Variants in CBFB observed in about 807,000 individuals in gnomAD.
CBFB encodes CBF-beta.
A neutral mutation model predicts 30.4 loss-of-function variants in CBFB; 9 were observed. The observed-to-expected ratio is 0.30, with a 90% CI of 0.18 to 0.52. The LOEUF (loss-of-function observed/expected upper bound fraction) is 0.52. Ranked by LOEUF, CBFB falls within the 20% of genes least tolerant of loss-of-function variation. The pLI, the probability that CBFB is intolerant of heterozygous loss-of-function variation, is 0.97. For missense variants in CBFB, 170 were observed against 244.0 expected (o/e 0.70, Z 2.02); for synonymous variants, 94 against 84.0 (o/e 1.12, Z -0.65).
intron 5 of CBFB, among the ~76,000 whole-genome samples, chr16:67,083,571 T>G (rs865986289): frequency 6.6e-6 from 1 of 152,174 alleles, no homozygotes; most frequent in Non-Finnish European, 1.5e-5. Flanking sequence ...TTGGATTGAT[T>G]ACAGGCGTGA....
chr16:67,055,488 A>C (rs907187492), intron 3 of CBFB, among the ~76,000 whole-genome samples: 43 of 146,956 alleles, frequency 2.9e-4, no homozygotes, highest in Admixed American at 2.9e-3. Flanking sequence ...GCCTCAGCCT[A>C]CTGAGTAGGT....
chr16:67,032,393 TAAAGA>T (rs752670801), intron 2 of CBFB, among the ~76,000 whole-genome samples: 54 of 152,316 alleles, frequency 3.5e-4, no homozygotes, highest in Non-Finnish European at 6.3e-4. Flanking sequence ...TATTAAAGGT[TAAAGA>T]AGGTAGATTG....
intron 1 of CBFB, 88 bp downstream of exon 1, chr16:67,029,573 G>C (rs1418610385): frequency 5.0e-6 from 7 of 1,408,882 alleles, no homozygotes; most frequent in Non-Finnish European, 6.7e-6. Context: ...CGGTCCCCGG[G>C]AGTCCCGGTC....
chr16:67,079,538 T>TTG (rs1961498278), intron 4 of CBFB, among the ~76,000 whole-genome samples: 1 of 138,412 alleles, frequency 7.2e-6, no homozygotes, highest in Non-Finnish European at 1.5e-5. Flanking sequence ...TTTTTTTTTT[T>TTG]GACCCCAACG....
At chr16:67,050,290 A>G (rs1966717396) in intron 3 of CBFB, among the ~76,000 whole-genome samples, 2 of 148,200 alleles carry the variant, frequency 1.3e-5, no homozygotes, top group South Asian at 4.2e-4. Context: ...TATATAAATT[A>G]TATGTCAATA....
At chr16:67,073,009 A>T (rs1961275951) in intron 4 of CBFB, among the ~76,000 whole-genome samples, 1 of 152,106 alleles carries the variant, frequency 6.6e-6, no homozygotes, top group African/African-American at 2.4e-5. Flanking sequence ...CACTGCATCT[A>T]GCCCCTTACT....
chr16:67,037,278 T>C (rs1966457657), intron 3 of CBFB, among the ~76,000 whole-genome samples: 1 of 152,220 alleles, frequency 6.6e-6, no homozygotes, highest in Admixed American at 6.5e-5. Context: ...TCATAGAACA[T>C]TCTAACCCTT....
At chr16:67,080,419 G>A (rs945050526) in intron 4 of CBFB, among the ~76,000 whole-genome samples, 2 of 152,076 alleles carry the variant, frequency 1.3e-5, no homozygotes, top group Non-Finnish European at 2.9e-5. Flanking sequence ...CTCAGTGGTT[G>A]ATTGATTGTG....
chr16:67,033,368 C>T (rs1030104241), intron 2 of CBFB, among the ~76,000 whole-genome samples: 4 of 152,036 alleles, frequency 2.6e-5, no homozygotes, highest in Admixed American at 6.6e-5. Context: ...GAGACTGGAT[C>T]TTACTCTGTC....
At chr16:67,071,554 TA>T (rs1271622077) in intron 4 of CBFB, among the ~76,000 whole-genome samples, 9 of 152,096 alleles carry the variant, frequency 5.9e-5, no homozygotes, top group Non-Finnish European at 1.3e-4. Context: ...TGTGAGAAAA[TA>T]AATTTCTGTT....
At chr16:67,060,006 G>A (rs866260381) in intron 3 of CBFB, among the ~76,000 whole-genome samples, 2 of 146,662 alleles carry the variant, frequency 1.4e-5, no homozygotes, top group Admixed American at 6.9e-5. Flanking sequence ...ACAGAGTTTC[G>A]CTCTATATCC....
At chr16:67,032,961 G>T (rs1267468575) in intron 2 of CBFB, among the ~76,000 whole-genome samples, 1 of 151,876 alleles carries the variant, frequency 6.6e-6, no homozygotes. Flanking sequence ...TGCAACCTCC[G>T]TCCCCCATGT....
chr16:67,034,247 A>G (rs1001638388), intron 2 of CBFB, among the ~76,000 whole-genome samples: 1 of 152,218 alleles, frequency 6.6e-6, no homozygotes, highest in Non-Finnish European at 1.5e-5. Flanking sequence ...AGTAAAAACT[A>G]ATACATATTT....
At chr16:67,042,026 G>A (rs1307884446) in intron 3 of CBFB, among the ~76,000 whole-genome samples, 1 of 151,502 alleles carries the variant, frequency 6.6e-6, no homozygotes, top group Non-Finnish European at 1.5e-5. Flanking sequence ...TCCCACCTCA[G>A]CCTCCTGTGT....
At chr16:67,030,113 A>G (rs1966309841) in intron 2 of CBFB, 1 of 340,394 alleles carries the variant, frequency 2.9e-6, no homozygotes, top group Non-Finnish European at 5.3e-6. Flanking sequence ...GACACCGAAG[A>G]AGGGTTCAGG....
At position 67,029,501 on chromosome 16, in the gene CBFB, G is replaced by T; in HGVS notation, c.78+16G>T. The T allele has an allele frequency of 1.3e-6, 2 of 1,579,066 alleles. No homozygotes were observed. The highest frequency in any genetic ancestry group is 2.4e-5 in the East Asian group (1 of 41,538). ...CGAGTGTGAGGTGAGGCAGGCGGGC[G>T]GGCGGCTAGGAGGCCGCAGCGCGCC... On this transcript the variant is annotated intron_variant, in intron 1 of 5. Coordinates refer to ENST00000412916, the MANE Select transcript of CBFB (RefSeq NM_022845.3).
intron 3 of CBFB, among the ~76,000 whole-genome samples, chr16:67,040,535 G>A (rs1230985815): frequency 2.0e-5 from 3 of 152,170 alleles, no homozygotes; most frequent in Non-Finnish European, 2.9e-5. Context: ...CTGAAATAGT[G>A]TATGTAAAGT....
In CBFB at chr16:67,100,685, T is replaced by G. The variant is rs906268973; in HGVS notation, c.*1907T>G. 9.1e-6 allele frequency: 2 copies of G among 219,564 alleles called. No homozygotes were observed. The highest frequency in any genetic ancestry group is 4.5e-5 in the African/African-American group (2 of 44,624). 13.6% of individuals were successfully genotyped at this position (219,564 alleles called of 1,614,324 possible). On this transcript the variant is annotated 3_prime_UTR_variant, in exon 6 of 6. Coordinates refer to ENST00000412916, the MANE Select transcript of CBFB (RefSeq NM_022845.3). ...GGTACATTTTCCTCTATTGTCTAGC[T>G]AAGGGCTTTCGGTCCACCAGTAAAT...
intron 4 of CBFB, among the ~76,000 whole-genome samples, chr16:67,074,271 T>C (rs558428607): frequency 4.5e-4 from 69 of 152,144 alleles, no homozygotes; most frequent in Admixed American, 1.3e-3. Flanking sequence ...CTTCAGTAAA[T>C]GATGCTGGGA....
Sources: allele counts gnomAD v4.1 joint callset (sites outside exome capture counted in the v4.1 genomes callset), GRCh38; gene constraint gnomAD v4.1.1; transcripts MANE v1.5; gene names NCBI Gene and HGNC (gene_info 2026-07-23, HGNC 2026-07-21).